TMEFF1: variants seen among roughly 807,000 people sequenced by gnomAD.
The protein encoded by TMEFF1 is transmembrane protein with EGF like and two follistatin like domains 1.
TMEFF1 carries 20 observed loss-of-function variants against 47.5 expected under a neutral mutation model. The ratio of observed to expected loss-of-function variants is 0.42; its 90% CI spans 0.30 to 0.61. The LOEUF (loss-of-function observed/expected upper bound fraction) is 0.61. Ranked by LOEUF, TMEFF1 falls within the 20% of genes least tolerant of loss-of-function variation. The pLI is 0.19. For synonymous variants in TMEFF1, 162 were observed against 166.3 expected, an observed-to-expected ratio of 0.97 and a Z score of 0.20; for missense variants, 411 against 471.1, an observed-to-expected ratio of 0.87 and a Z score of 1.18.
chr9:100,521,967 C>T (rs747316216), intron 5 of TMEFF1, among the ~76,000 whole-genome samples: 1 of 152,170 alleles, frequency 6.6e-6, no homozygotes, highest in Non-Finnish European at 1.5e-5. Context: ...CAGTTTAATC[C>T]ACCTGCTGGA....
chr9:100,548,240 C>CT (rs1838773037), intron 6 of TMEFF1, among the ~76,000 whole-genome samples: 2 of 151,998 alleles, frequency 1.3e-5, no homozygotes, highest in African/African-American at 2.4e-5. Context: ...TTCAGTAAAA[C>CT]TATGTTATTG....
chr9:100,534,665 CA>C (rs1838469887), intron 5 of TMEFF1, among the ~76,000 whole-genome samples: 1 of 152,152 alleles, frequency 6.6e-6, no homozygotes, highest in Admixed American at 6.5e-5. Context: ...CCATTGAAAA[CA>C]GTAGTGATTG....
intron 4 of TMEFF1, among the ~76,000 whole-genome samples, chr9:100,513,686 G>A (rs1039614104): frequency 2.0e-5 from 3 of 152,122 alleles, no homozygotes; most frequent in African/African-American, 7.2e-5. Context: ...AGGGGAAGAT[G>A]TTGTAGTTTC....
At chr9:100,486,222 T>G (rs1171617643) in intron 1 of TMEFF1, among the ~76,000 whole-genome samples, 2 of 152,162 alleles carry the variant, frequency 1.3e-5, no homozygotes, top group East Asian at 3.9e-4. Flanking sequence ...ATCTCAGTGT[T>G]TATGCTAAAT....
chr9:100,484,366 G>A (rs895379024), intron 1 of TMEFF1, among the ~76,000 whole-genome samples: 15 of 150,386 alleles, frequency 1.0e-4, no homozygotes, highest in African/African-American at 3.4e-4. Flanking sequence ...TGCCCAGGCT[G>A]GAGTGCAATG....
intron 8 of TMEFF1, among the ~76,000 whole-genome samples, chr9:100,570,693 T>C (rs1839223523): frequency 6.6e-6 from 1 of 151,954 alleles, no homozygotes; most frequent in Non-Finnish European, 1.5e-5. Flanking sequence ...CAATGTGAAA[T>C]GTACTGGGAA....
At chr9:100,501,220 G>T (rs1837752237) in intron 2 of TMEFF1, among the ~76,000 whole-genome samples, 2 of 152,162 alleles carry the variant, frequency 1.3e-5, no homozygotes, top group Non-Finnish European at 2.9e-5. Flanking sequence ...ATTCCTTGAG[G>T]TGGAATTGTT....
At chr9:100,530,532 T>C (rs1471858204) in intron 5 of TMEFF1, among the ~76,000 whole-genome samples, 7 of 152,086 alleles carry the variant, frequency 4.6e-5, no homozygotes, top group Non-Finnish European at 1.0e-4. Flanking sequence ...CAAGACTAAA[T>C]CAGGAAGAAG....
intron 6 of TMEFF1, among the ~76,000 whole-genome samples, chr9:100,549,112 C>A (rs1159640562): frequency 6.6e-6 from 1 of 152,256 alleles, no homozygotes; most frequent in Admixed American, 6.5e-5. Context: ...TTACCTGAGA[C>A]TGGGTAATTT....
rs377253422 is a variant in TMEFF1 at position 100,576,651 on chromosome 9, C to G, written c.*51C>G. ...ACCATGTGATGTACATTTATTATGT[C>G]TTTTTTTAAAGAATGGAAATATTTA... On this transcript the variant is annotated 3_prime_UTR_variant, in exon 10 of 10. Coordinates refer to ENST00000374879, the MANE Select transcript of TMEFF1 (RefSeq NM_003692.5). 1.2e-4 allele frequency: 187 copies of G among 1,544,828 alleles called. 1 individual carries two copies. In the African/African-American group the frequency reaches 2.5e-3, roughly 20 times the overall value.
intron 3 of TMEFF1, among the ~76,000 whole-genome samples, chr9:100,509,983 A>G (rs1837932854): frequency 6.6e-6 from 1 of 152,122 alleles, no homozygotes; most frequent in Non-Finnish European, 1.5e-5. Flanking sequence ...TTGGGGATAG[A>G]GATGCCGGTG....
chr9:100,487,426 C>T (rs1170542770), intron 1 of TMEFF1, among the ~76,000 whole-genome samples: 1 of 152,160 alleles, frequency 6.6e-6, no homozygotes, highest in East Asian at 1.9e-4. Flanking sequence ...CCTTGGTTTC[C>T]CAAAGTGCTG....
chr9:100,574,008 G>A (rs897936681), intron 9 of TMEFF1, among the ~76,000 whole-genome samples: 1 of 152,076 alleles, frequency 6.6e-6, no homozygotes, highest in African/African-American at 2.4e-5. Flanking sequence ...TAAGTAATTT[G>A]TCTGTGGTCA....
intron 9 of TMEFF1, among the ~76,000 whole-genome samples, chr9:100,573,587 A>G (rs1291531964): frequency 2.0e-5 from 3 of 152,194 alleles, no homozygotes; most frequent in Non-Finnish European, 4.4e-5. Flanking sequence ...TCTCATAAGC[A>G]TCATTTCTCC....
In TMEFF1 at chr9:100,473,470, C is replaced by T. The variant is rs1395126372; in HGVS notation, c.-75C>T. ...CTGCTAGGAGGCACCGAGGCAGCGGCGGGGCTCTGGGCGCGCGGCTGGATG... is the reference window on the plus strand; with the variant it reads ...CTGCTAGGAGGCACCGAGGCAGCGGTGGGGCTCTGGGCGCGCGGCTGGATG... On this transcript the variant is annotated 5_prime_UTR_variant, in exon 1 of 10. Transcript: ENST00000374879. This position sits in a 1 kb window ranked among gnomAD's most constrained non-coding sequence, Gnocchi z 5.4. 2.5e-6 allele frequency: 3 copies of T among 1,191,862 alleles called. No individual in the cohort carries two copies. Among genetic ancestry groups the T allele is most frequent in the African/African-American group, 3.2e-5 (2 of 62,704 alleles). The allele number at this position is 1,191,862 out of a possible 1,614,324, so 73.8% of individuals were successfully genotyped here. A position where few individuals can be genotyped will look rare whatever the true frequency, so the allele number is the denominator to read the frequency against.
chr9:100,524,772 T>A (rs1838225210), intron 5 of TMEFF1, among the ~76,000 whole-genome samples: 1 of 152,132 alleles, frequency 6.6e-6, no homozygotes, highest in Non-Finnish European at 1.5e-5. Flanking sequence ...TACTTTAAGT[T>A]CTGGGGCACA....
At chr9:100,563,921 G>A (rs2118555071) in intron 8 of TMEFF1, among the ~76,000 whole-genome samples, 1 of 152,272 alleles carries the variant, frequency 6.6e-6, no homozygotes, top group African/African-American at 2.4e-5. Context: ...CTGAGTCTGT[G>A]CAGTGTCTAT....
intron 7 of TMEFF1, 68 bp downstream of exon 7, chr9:100,550,228 T>C: frequency 6.6e-7 from 1 of 1,514,380 alleles, no homozygotes; most frequent in Admixed American, 2.0e-5. Flanking sequence ...TCCTTATTAG[T>C]TCTGTTTCCA....
chr9:100,514,358 A>G (rs890183955), intron 4 of TMEFF1, among the ~76,000 whole-genome samples: 3 of 152,018 alleles, frequency 2.0e-5, no homozygotes, highest in African/African-American at 4.8e-5. Context: ...ATAGAATTTG[A>G]AGTAGATGGA....
Sources: gnomAD v4.1 joint callset for allele counts (sites outside exome capture counted in the v4.1 genomes callset) on GRCh38, gnomAD v4.1.1 for gene constraint, Gnocchi (gnomAD v3.1) non-coding constraint, MANE v1.5 for transcripts, NCBI Gene and HGNC (gene_info 2026-07-23, HGNC 2026-07-21) for gene names.